The following AGMO variants were observed in gnomAD, a reference collection of about 807,000 sequenced individuals.
The protein encoded by AGMO is alkylglycerol monooxygenase.
Under a neutral mutation model 60.2 loss-of-function variants are expected in AGMO, and 75 were observed. That is an observed-to-expected ratio of 1.25 (90% CI 1.03 to 1.51). The LOEUF is 1.51. Ranked by LOEUF, AGMO falls within the 40% of genes most tolerant of loss-of-function variation. The pLI, the probability that AGMO is intolerant of heterozygous loss-of-function variation, is 0.00. For missense variants in AGMO, 763 were observed against 525.5 expected (o/e 1.45, Z -4.42); for synonymous variants, 261 against 177.1 (o/e 1.47, Z -3.76).
chr7:15,318,621 T>C (rs1380607825), intron 12 of AGMO, among the ~76,000 whole-genome samples: 1 of 152,184 alleles, frequency 6.6e-6, no homozygotes, highest in African/African-American at 2.4e-5. Flanking sequence ...TCTAATACTC[T>C]TCCAGCCTTA....
the AGMO span, among the ~76,000 whole-genome samples, chr7:15,158,803 ATGT>A: frequency 6.6e-6 from 1 of 152,168 alleles, no homozygotes; most frequent in Non-Finnish European, 1.5e-5. Flanking sequence ...TGTATAATGT[ATGT>A]CAGGACTTAG....
chr7:15,321,607 G>C (rs890811294), intron 12 of AGMO, among the ~76,000 whole-genome samples: 2 of 152,044 alleles, frequency 1.3e-5, no homozygotes, highest in African/African-American at 2.4e-5. Flanking sequence ...TTTGCTTAAA[G>C]TTTTGAATTT....
chr7:15,403,327 C>T (rs1784604402), intron 5 of AGMO, among the ~76,000 whole-genome samples: 1 of 151,854 alleles, frequency 6.6e-6, no homozygotes, highest in African/African-American at 2.4e-5. Flanking sequence ...TTCTTTCTTG[C>T]TCATAAATTT....
chr7:15,184,098 C>T, the AGMO span, among the ~76,000 whole-genome samples: 2 of 152,016 alleles, frequency 1.3e-5, no homozygotes, highest in African/African-American at 2.4e-5. Flanking sequence ...TAACAGATAC[C>T]ATATACTCAA....
At chr7:15,334,882 C>T (rs1033478051) in intron 12 of AGMO, among the ~76,000 whole-genome samples, 1 of 152,116 alleles carries the variant, frequency 6.6e-6, no homozygotes, top group East Asian at 1.9e-4. Flanking sequence ...ATTCACAGAT[C>T]CCCCATTTGT....
intron 12 of AGMO, among the ~76,000 whole-genome samples, chr7:15,345,277 A>G (rs532724024): frequency 2.1e-4 from 32 of 152,180 alleles, no homozygotes; most frequent in African/African-American, 7.5e-4. Flanking sequence ...TTCCCATTTT[A>G]TGGAACACTC....
At chr7:15,551,213 A>C (rs1048554685) in intron 2 of AGMO, among the ~76,000 whole-genome samples, 1 of 152,132 alleles carries the variant, frequency 6.6e-6, no homozygotes, top group Non-Finnish European at 1.5e-5. Flanking sequence ...CCAATATCAT[A>C]CTGAATGGGC....
chr7:15,377,703 G>A (rs528843474), intron 10 of AGMO, among the ~76,000 whole-genome samples: 1 of 152,032 alleles, frequency 6.6e-6, no homozygotes, highest in East Asian at 1.9e-4. Context: ...AGATGACCCT[G>A]GCTTTTCTTT....
intron 3 of AGMO, among the ~76,000 whole-genome samples, chr7:15,493,529 A>G (rs1210148968): frequency 2.7e-5 from 4 of 149,686 alleles, no homozygotes; most frequent in South Asian, 4.2e-4. Context: ...GCCCGCCACC[A>G]CACCCGGCTA....
At chr7:15,122,604 C>G in the AGMO span, among the ~76,000 whole-genome samples, 26 of 152,250 alleles carry the variant, frequency 1.7e-4, no homozygotes, top group African/African-American at 5.3e-4. Flanking sequence ...TCTTACTCCA[C>G]GTCACTCACA....
chr7:15,290,898 T>A (rs1265679776), intron 12 of AGMO, among the ~76,000 whole-genome samples: 1 of 152,182 alleles, frequency 6.6e-6, no homozygotes, highest in African/African-American at 2.4e-5. Context: ...AATTTCAATT[T>A]ATTTTTCCAG....
At chr7:15,131,757 A>AACACAC in the AGMO span, among the ~76,000 whole-genome samples, 25,135 of 146,190 alleles carry the variant, frequency 0.17, 2,455 homozygotes, top group South Asian at 0.32. Flanking sequence ...CAAAGAAATT[A>AACACAC]ACACACACAC....
chr7:15,474,864 C>T (rs1782551760), intron 3 of AGMO, among the ~76,000 whole-genome samples: 2 of 151,818 alleles, frequency 1.3e-5, no homozygotes, highest in African/African-American at 4.8e-5. Flanking sequence ...AAAAACAACC[C>T]CATCAACAAG....
At chr7:15,186,955 T>C in the AGMO span, among the ~76,000 whole-genome samples, 1 of 152,234 alleles carries the variant, frequency 6.6e-6, no homozygotes, top group Non-Finnish European at 1.5e-5. Context: ...TTGGTGTTAT[T>C]TCCTTTCGGG....
intron 5 of AGMO, among the ~76,000 whole-genome samples, chr7:15,397,366 G>T (rs913189657): frequency 6.6e-6 from 1 of 151,804 alleles, no homozygotes; most frequent in Non-Finnish European, 1.5e-5. Flanking sequence ...GCGCAGCCCC[G>T]GCTCCCGCAC....
chr7:15,279,191 T>C lies in AGMO; in HGVS notation c.1264-77832A>G, dbSNP rs542849229. ...CCCCGTCTAGAATTGTAAAGGTCCA[T>C]GGCAGAAGTGTAGAACCCTGGGGTT... On this transcript the variant is annotated intron_variant, in intron 12 of 12. Coordinates refer to ENST00000342526, the MANE Select transcript of AGMO (RefSeq NM_001004320.2). Among the ~76,000 whole-genome samples, 337 of 152,264 alleles carry C rather than the reference T, an allele frequency of 2.2e-3. 3 individuals carry two copies. Among genetic ancestry groups the C allele is most frequent in the African/African-American group, 7.1e-3 (293 of 41,560 alleles).
chr7:15,300,740 A>C (rs1160295261), intron 12 of AGMO, among the ~76,000 whole-genome samples: 1 of 152,192 alleles, frequency 6.6e-6, no homozygotes, highest in Non-Finnish European at 1.5e-5. Flanking sequence ...CTCCTGGAGG[A>C]AATTAGCAAA....
At chr7:15,456,310 A>T (rs1781996793) in intron 3 of AGMO, among the ~76,000 whole-genome samples, 2 of 151,878 alleles carry the variant, frequency 1.3e-5, no homozygotes, top group South Asian at 4.1e-4. Flanking sequence ...TGTTCCTTGC[A>T]TTGTCTCTGT....
At chr7:15,449,147 C>A (rs1402897280) in intron 3 of AGMO, among the ~76,000 whole-genome samples, 1 of 152,044 alleles carries the variant, frequency 6.6e-6, no homozygotes, top group Non-Finnish European at 1.5e-5. Context: ...AAAAGGTAAA[C>A]AATAAAAAAT....
Sources: gnomAD v4.1 joint callset for allele counts (sites outside exome capture counted in the v4.1 genomes callset) on GRCh38, gnomAD v4.1.1 for gene constraint, MANE v1.5 for transcripts, NCBI Gene and HGNC (gene_info 2026-07-23, HGNC 2026-07-21) for gene names.